SERGEF: variants seen among roughly 807,000 people sequenced by gnomAD.
SERGEF encodes secretion regulating guanine nucleotide exchange factor, also known as secretion-regulating guanine nucleotide exchange factor.
SERGEF carries 51 observed loss-of-function variants against 50.0 expected under a neutral mutation model. That is an observed-to-expected ratio of 1.02 (90% CI 0.81 to 1.29). The LOEUF (loss-of-function observed/expected upper bound fraction) is 1.29. SERGEF is among the 50% of genes most tolerant of loss of function. The probability of loss-of-function intolerance (pLI) is 0.00; values close to 1 mark genes in which losing one functional copy is unlikely to be tolerated. For synonymous variants in SERGEF, 205 were observed against 212.4 expected (o/e 0.97, Z 0.30); for missense variants, 521 against 557.0 (o/e 0.94, Z 0.65).
Position 17,810,182 on chromosome 11 carries a change from G to C in SERGEF, c.1049-21769C>G, listed in dbSNP as rs561279319. On this transcript the variant is annotated intron_variant, in intron 10 of 10. Transcript: ENST00000265965. ...TTAGGTATCACTGGGGTGGCCCCAA[G>C]CCCCTGAGGATTAGGGCCCTCAGAT... Among the ~76,000 whole-genome samples, 72 of 152,286 alleles carry C rather than the reference G, an allele frequency of 4.7e-4. 1 individual carries two copies. Among genetic ancestry groups the C allele is most frequent in the African/African-American group, 1.7e-3 (70 of 41,572 alleles).
chr11:18,012,794 C>CAA, intron 1 of SERGEF, 157 bp downstream of exon 1: 2 of 1,479,616 alleles, frequency 1.4e-6, no homozygotes, highest in Non-Finnish European at 1.8e-6. Context: ...CCCGCTCCTC[C>CAA]TCCGCTCCCC....
chr11:17,820,400 C>A (rs537833907), intron 10 of SERGEF, among the ~76,000 whole-genome samples: 1 of 152,124 alleles, frequency 6.6e-6, no homozygotes, highest in Non-Finnish European at 1.5e-5. Flanking sequence ...GTGTATTAAG[C>A]CAAAGGACAG....
At chr11:17,804,040 G>A (rs932048606) in intron 10 of SERGEF, among the ~76,000 whole-genome samples, 3 of 152,154 alleles carry the variant, frequency 2.0e-5, no homozygotes, top group Non-Finnish European at 2.9e-5. Flanking sequence ...ACACCTAGTG[G>A]GGCCTATGTT....
At chr11:17,981,007 A>G (rs531507228) in intron 8 of SERGEF, among the ~76,000 whole-genome samples, 1 of 152,192 alleles carries the variant, frequency 6.6e-6, no homozygotes, top group East Asian at 1.9e-4. Flanking sequence ...AGCAAGTCAA[A>G]CTCTCCATCT....
chr11:17,920,033 G>T (rs969808684), intron 9 of SERGEF, among the ~76,000 whole-genome samples: 2 of 151,576 alleles, frequency 1.3e-5, no homozygotes, highest in Non-Finnish European at 2.9e-5. Context: ...GGATCAAAAG[G>T]TCAGGGAATC....
chr11:17,806,538 G>A (rs1849759980), intron 10 of SERGEF, among the ~76,000 whole-genome samples: 1 of 152,104 alleles, frequency 6.6e-6, no homozygotes, highest in Admixed American at 6.5e-5. Flanking sequence ...TCAAACCAAC[G>A]TCAGCCTGTC....
At chr11:17,796,962 G>A (rs1187602350) in intron 10 of SERGEF, among the ~76,000 whole-genome samples, 1 of 152,204 alleles carries the variant, frequency 6.6e-6, no homozygotes, top group Non-Finnish European at 1.5e-5. Context: ...AGTAGATGGG[G>A]GGTGAGGGTT....
chr11:17,852,776 T>C (rs1302321409), intron 10 of SERGEF, among the ~76,000 whole-genome samples: 1 of 152,182 alleles, frequency 6.6e-6, no homozygotes, highest in Non-Finnish European at 1.5e-5. Flanking sequence ...CCCTGGTAGA[T>C]GTTAGTATCT....
chr11:17,866,565 C>G (rs1328652262), intron 10 of SERGEF, among the ~76,000 whole-genome samples: 1 of 152,158 alleles, frequency 6.6e-6, no homozygotes, highest in Non-Finnish European at 1.5e-5. Flanking sequence ...AGTCCAGTGG[C>G]AGGATCTTGG....
At chr11:17,998,348 T>C (rs1227968939) in intron 5 of SERGEF, among the ~76,000 whole-genome samples, 1 of 150,014 alleles carries the variant, frequency 6.7e-6, no homozygotes, top group Non-Finnish European at 1.5e-5. Context: ...GCCCAGAAGT[T>C]TGAGGTCGCA....
chr11:17,864,068 C>G (rs772574543), intron 10 of SERGEF, among the ~76,000 whole-genome samples: 1 of 152,214 alleles, frequency 6.6e-6, no homozygotes, highest in Non-Finnish European at 1.5e-5. Flanking sequence ...TTATGGTGCA[C>G]AGTGGAAGGC....
At chr11:17,795,567 C>T (rs533655335) in intron 10 of SERGEF, among the ~76,000 whole-genome samples, 1 of 152,300 alleles carries the variant, frequency 6.6e-6, no homozygotes, top group Admixed American at 6.5e-5. Context: ...GCTCCCAAGG[C>T]CCTGAGTAGT....
intron 1 of SERGEF, among the ~76,000 whole-genome samples, chr11:18,009,001 C>T (rs1380124409): frequency 6.6e-6 from 1 of 152,038 alleles, no homozygotes; most frequent in Non-Finnish European, 1.5e-5. Context: ...CCTTGAGTAA[C>T]CACGGGAACA....
intron 10 of SERGEF, among the ~76,000 whole-genome samples, chr11:17,791,372 T>C (rs184415562): frequency 6.6e-6 from 1 of 152,350 alleles, no homozygotes; most frequent in Non-Finnish European, 1.5e-5. Context: ...TCAGAAAGGC[T>C]ACTTGCATAT....
intron 10 of SERGEF, among the ~76,000 whole-genome samples, chr11:17,789,571 G>A (rs759556114): frequency 1.3e-4 from 19 of 151,842 alleles, no homozygotes; most frequent in Admixed American, 7.9e-4. Flanking sequence ...TTCTGTGGTC[G>A]TTTAAAAAAA....
Position 17,947,702 on chromosome 11 carries a change from C to T in SERGEF, c.1011+11768G>A, listed in dbSNP as rs529954401. Reference sequence around the variant, plus strand: ...TCACCTGTATGTCCTCTAGTCCACACTGCTGCCACTATGTTAGCTCTGGTA... The same window carrying T: ...TCACCTGTATGTCCTCTAGTCCACATTGCTGCCACTATGTTAGCTCTGGTA... On this transcript the variant is annotated intron_variant, in intron 9 of 10. Coordinates refer to ENST00000265965, the MANE Select transcript of SERGEF (RefSeq NM_012139.4). Among the ~76,000 whole-genome samples the T allele has an allele frequency of 4.1e-3, 631 of 152,350 alleles. 4 individuals are homozygous for T. Among genetic ancestry groups the T allele is most frequent in the South Asian group, 0.025 (120 of 4,832 alleles).
At chr11:17,914,009 C>G (rs752865809) in intron 9 of SERGEF, among the ~76,000 whole-genome samples, 4 of 152,216 alleles carry the variant, frequency 2.6e-5, no homozygotes, top group Admixed American at 1.3e-4. Flanking sequence ...AAGCCCAAAT[C>G]CTATAGCCTG....
At chr11:17,996,043 T>A (rs1016383919) in intron 5 of SERGEF, 134 bp from the exon 6 acceptor site, 7 of 672,570 alleles carry the variant, frequency 1.0e-5, no homozygotes, top group Non-Finnish European at 1.8e-5. Context: ...GAAGCTCAAT[T>A]GCTTCAAGAG....
At chr11:17,971,646 G>A (rs1853251156) in intron 8 of SERGEF, among the ~76,000 whole-genome samples, 1 of 152,228 alleles carries the variant, frequency 6.6e-6, no homozygotes, top group South Asian at 2.1e-4. Flanking sequence ...CAAGAGCACT[G>A]ATAGAGGTGT....
Sources: allele counts gnomAD v4.1 joint callset (sites outside exome capture counted in the v4.1 genomes callset), GRCh38; gene constraint gnomAD v4.1.1; transcripts MANE v1.5; gene names NCBI Gene and HGNC (gene_info 2026-07-23, HGNC 2026-07-21).